MRC1: variants seen among roughly 807,000 people sequenced by gnomAD.
MRC1 encodes the protein macrophage mannose receptor 1.
In MRC1, 62 loss-of-function variants were observed where a neutral mutation model predicts 102.9. The ratio of observed to expected loss-of-function variants is 0.60; its 90% CI spans 0.49 to 0.74. The LOEUF is 0.74. MRC1 is among the 30% of genes least tolerant of loss of function. MRC1 has a pLI of 0.00. For missense variants in MRC1, 1,237 were observed against 862.8 expected, an observed-to-expected ratio of 1.43 and a Z score of -5.43; for synonymous variants, 457 against 298.4, an observed-to-expected ratio of 1.53 and a Z score of -5.48.
intron 12 of MRC1, among the ~76,000 whole-genome samples, chr10:17,867,978 C>T (rs1833300816): frequency 6.6e-6 from 1 of 152,198 alleles, no homozygotes; most frequent in Non-Finnish European, 1.5e-5. Flanking sequence ...ATTCAATATT[C>T]TACCACTATT....
At chr10:17,865,199 T>C (rs1833247504) in intron 11 of MRC1, among the ~76,000 whole-genome samples, 1 of 152,360 alleles carries the variant, frequency 6.6e-6, no homozygotes, top group African/African-American at 2.4e-5. Flanking sequence ...CCTGACCTAA[T>C]ATGTCCTAAT....
chr10:17,857,142 A>T (rs1833104422), intron 9 of MRC1, among the ~76,000 whole-genome samples: 1 of 152,220 alleles, frequency 6.6e-6, no homozygotes, highest in Admixed American at 6.5e-5. Context: ...AACCATAAAG[A>T]AATAGAGCAG....
At chr10:17,900,423 T>A (rs1266475511) in intron 24 of MRC1, among the ~76,000 whole-genome samples, 1 of 152,118 alleles carries the variant, frequency 6.6e-6, no homozygotes, top group Non-Finnish European at 1.5e-5. Flanking sequence ...TTTATTATAA[T>A]TTCAATAATA....
At position 17,881,151 on chromosome 10, in the gene MRC1, C is replaced by G. The variant is rs1304232462; in HGVS notation, c.2950C>G (p.Leu984Val). 1 of 780,586 alleles carries G rather than the reference C, an allele frequency of 1.3e-6. No individual in the cohort carries two copies. The highest frequency in any genetic ancestry group is 2.4e-5 in the East Asian group (1 of 41,232). 48.4% of individuals were successfully genotyped at this position (780,586 alleles called of 1,614,324 possible). A position where few individuals can be genotyped will look rare whatever the true frequency, so the allele number is the denominator to read the frequency against. ...AGCTTGTATAGGCTTTGGAGGGAAT[C>G]TGGTCTCCATACAAAATGAAAAAGA... Reference protein sequence around the residue: ...RKACIGFGGNLVSIQNEKEQA... With the variant: ...RKACIGFGGNVVSIQNEKEQA... The change falls in exon 21 of 30, where the codon CTG (leucine) becomes GTG (valine). Residue 984 changes from leucine (L) to valine (V), a missense_variant. Leu to Val is a conservative substitution (Grantham distance 32). Transcript: ENST00000569591.
At chr10:17,899,450 A>C (rs1448126927) in intron 24 of MRC1, among the ~76,000 whole-genome samples, 2 of 152,216 alleles carry the variant, frequency 1.3e-5, no homozygotes, top group Non-Finnish European at 2.9e-5. Flanking sequence ...TATGACTACA[A>C]CAGTATTATT....
intron 7 of MRC1, 23 bp downstream of exon 7, chr10:17,849,787 T>C: frequency 1.3e-6 from 1 of 770,122 alleles, no homozygotes; most frequent in Non-Finnish European, 2.4e-6. Context: ...ACAGTGATAA[T>C]ATACTTGGCT....
At chr10:17,877,861 G>C in intron 17 of MRC1, 39 bp from the exon 18 acceptor site, 6 of 871,578 alleles carry the variant, frequency 6.9e-6, no homozygotes, top group South Asian at 1.3e-5. Flanking sequence ...CTGATTGTGT[G>C]ATTCTAAATT....
intron 23 of MRC1, among the ~76,000 whole-genome samples, chr10:17,895,379 A>C (rs1241950423): frequency 6.6e-6 from 1 of 151,910 alleles, no homozygotes; most frequent in African/African-American, 2.4e-5. Context: ...TTTTTTAACC[A>C]GACAGTTTTG....
chr10:17,810,636 G>T (rs951736786), intron 1 of MRC1, among the ~76,000 whole-genome samples: 3 of 152,028 alleles, frequency 2.0e-5, no homozygotes, highest in African/African-American at 7.3e-5. Context: ...AATATTACCT[G>T]CCCCCATCAG....
At position 17,823,469 on chromosome 10, in the gene MRC1, T is replaced by C. The variant is rs1554838448; in HGVS notation, c.457T>C (p.Tyr153His). 1.3e-6 allele frequency: 1 copy of C among 780,882 alleles called. No individual in the cohort carries two copies. Among genetic ancestry groups the C allele is most frequent in the Non-Finnish European group, 2.4e-6 (1 of 417,954 alleles). 48.4% of individuals were successfully genotyped at this position (780,882 alleles called of 1,614,324 possible). A position where few individuals can be genotyped will look rare whatever the true frequency, so the allele number is the denominator to read the frequency against. ...CACAGACAATCTGTGCTCCAGAGGT[T>C]ATGAAGGTAAGATGCCTGGAATTTT... is the stretch of plus-strand genomic sequence containing the variant. ...GTTDNLCSRG[Y>H]EAMYTLLGNA... Residue 153 changes from tyrosine (Y) to histidine (H), a missense_variant, in exon 2 of 30, where the codon TAT (tyrosine) becomes CAT (histidine). Coordinates refer to ENST00000569591, the MANE Select transcript of MRC1 (RefSeq NM_002438.4).
intron 1 of MRC1, among the ~76,000 whole-genome samples, chr10:17,816,178 T>A (rs1838309352): frequency 6.6e-6 from 1 of 152,212 alleles, no homozygotes; most frequent in Admixed American, 6.5e-5. Context: ...AGGGTAAATA[T>A]TTGTTTTTCA....
intron 12 of MRC1, among the ~76,000 whole-genome samples, chr10:17,868,185 T>C (rs1442751480): frequency 2.0e-5 from 3 of 152,182 alleles, no homozygotes; most frequent in African/African-American, 7.2e-5. Flanking sequence ...AATACAGAAA[T>C]GTACCTACTG....
intron 26 of MRC1, among the ~76,000 whole-genome samples, chr10:17,903,738 T>G (rs1833860963): frequency 6.6e-6 from 1 of 152,072 alleles, no homozygotes. Context: ...ATATATCGTT[T>G]GGTTATTTCT....
intron 6 of MRC1, among the ~76,000 whole-genome samples, chr10:17,848,738 A>T (rs530757567): frequency 5.9e-5 from 9 of 152,310 alleles, no homozygotes; most frequent in African/African-American, 2.2e-4. Context: ...CACACAACTT[A>T]CCGCAAATTC....
At chr10:17,839,125 G>A (rs1366562560) in intron 4 of MRC1, among the ~76,000 whole-genome samples, 20 of 152,008 alleles carry the variant, frequency 1.3e-4, no homozygotes, top group Admixed American at 1.3e-3. Flanking sequence ...CCATATGTCA[G>A]GCCTTGTTTT....
intron 3 of MRC1, among the ~76,000 whole-genome samples, chr10:17,828,611 T>C (rs1415507727): frequency 6.6e-6 from 1 of 151,520 alleles, no homozygotes; most frequent in Non-Finnish European, 1.5e-5. Flanking sequence ...TCAAAAGTGT[T>C]CTTCACAGTG....
chr10:17,883,028 T>A (rs1232363919), intron 21 of MRC1, among the ~76,000 whole-genome samples: 2 of 152,240 alleles, frequency 1.3e-5, no homozygotes, highest in Non-Finnish European at 2.9e-5. Flanking sequence ...TGCTGAATCT[T>A]GGCAGGTAGA....
At chr10:17,871,517 G>A (rs1833354304) in intron 14 of MRC1, among the ~76,000 whole-genome samples, 2 of 152,260 alleles carry the variant, frequency 1.3e-5, no homozygotes, top group South Asian at 4.1e-4. Context: ...GTAGCTGTTA[G>A]CAATATTTTC....
intron 21 of MRC1, among the ~76,000 whole-genome samples, chr10:17,885,019 C>G: frequency 6.6e-6 from 1 of 152,212 alleles, no homozygotes; most frequent in Non-Finnish European, 1.5e-5. Context: ...CAGGGTGCAA[C>G]TTGCACAAGT....
Sources: allele counts gnomAD v4.1 joint callset (sites outside exome capture counted in the v4.1 genomes callset), GRCh38; gene constraint gnomAD v4.1.1; transcripts MANE v1.5; gene names NCBI Gene and HGNC (gene_info 2026-07-23, HGNC 2026-07-21).